Variants in UBE3D observed in about 807,000 individuals in gnomAD.
UBE3D encodes the protein E3 ubiquitin-protein ligase E3D.
UBE3D carries 48 observed loss-of-function variants against 49.6 expected under a neutral mutation model. The ratio of observed to expected loss-of-function variants is 0.97; its 90% CI spans 0.77 to 1.23. The LOEUF is 1.23. Among genes scored for constraint, UBE3D ranks in the 50% most tolerant of loss-of-function variants. The pLI is 0.00. For missense variants in UBE3D, 452 were observed against 468.4 expected (o/e 0.96, Z 0.32); for synonymous variants, 189 against 174.2 (o/e 1.08, Z -0.67).
chr6:83,005,843 A>C (rs1779940987), intron 8 of UBE3D, among the ~76,000 whole-genome samples: 3 of 152,182 alleles, frequency 2.0e-5, no homozygotes, highest in South Asian at 4.1e-4. Context: ...CTACTATGTG[A>C]ATAAAACTTG....
intron 4 of UBE3D, among the ~76,000 whole-genome samples, chr6:83,040,538 C>T (rs1160129882): frequency 6.6e-6 from 1 of 152,178 alleles, no homozygotes; most frequent in Non-Finnish European, 1.5e-5. Context: ...TAAATGCCTA[C>T]AGCTCTTCTA....
At chr6:82,899,826 A>C (rs1212015381) in intron 9 of UBE3D, among the ~76,000 whole-genome samples, 2 of 152,208 alleles carry the variant, frequency 1.3e-5, no homozygotes, top group African/African-American at 4.8e-5. Flanking sequence ...TGATGCTCCC[A>C]GTCATATAAA....
At chr6:82,932,646 A>G (rs1293214682) in intron 9 of UBE3D, 1 of 152,214 alleles carries the variant, frequency 6.6e-6, no homozygotes, top group African/African-American at 2.4e-5. Context: ...AAGTGTGAGG[A>G]ACTGAACACT....
At position 83,054,322 on chromosome 6, in the gene UBE3D, A is replaced by C. The variant is rs914589473; in HGVS notation, c.275-84T>G. ...TTAAACAGTTCAATAGCCACGATAA[A>C]TTACCATCCATAAACAGTTTATGAT... On this transcript the variant is annotated intron_variant, in intron 2 of 9. Coordinates refer to ENST00000369747, the MANE Select transcript of UBE3D (RefSeq NM_198920.3). The C allele has an allele frequency of 4.0e-6, 4 of 994,590 alleles. No homozygotes were observed. In the African/African-American group the frequency reaches 6.4e-5, roughly 16 times the overall value. The allele number at this position is 994,590 out of a possible 1,614,324, so 61.6% of individuals were successfully genotyped here.
rs541975048 is a variant in UBE3D, at chr6:82,940,796, G to C, written c.1149+16516C>G. Reference sequence around the variant, plus strand: ...TGTCTTCATGCCAGGAGATGAAACAGAGGAAAGAGCAGAGTATTGTCAGTA... The same window carrying C: ...TGTCTTCATGCCAGGAGATGAAACACAGGAAAGAGCAGAGTATTGTCAGTA... On this transcript the variant is annotated intron_variant, in intron 9 of 9. Transcript: ENST00000369747. Among the ~76,000 whole-genome samples the C allele has an allele frequency of 4.6e-5, 7 of 152,286 alleles. No individual in the cohort carries two copies. In the South Asian group the frequency reaches 1.5e-3, roughly 32 times the overall value.
At chr6:82,974,848 C>T (rs904129492) in intron 8 of UBE3D, among the ~76,000 whole-genome samples, 2 of 151,794 alleles carry the variant, frequency 1.3e-5, no homozygotes, top group African/African-American at 4.8e-5. Context: ...CTGTCATCCT[C>T]TGAATCAATT....
rs1431815157 is a variant in UBE3D at position 82,984,977 on chromosome 6, T to TTTTTAAA, written c.1011-27534_1011-27528dup. Among the ~76,000 whole-genome samples, 3 of 150,880 alleles carry TTTTTAAA rather than the reference T, an allele frequency of 2.0e-5. No homozygotes were observed. The East Asian group carries it at 5.9e-4, about 30-fold the overall frequency. On this transcript the variant is annotated intron_variant, in intron 8 of 9. Coordinates refer to ENST00000369747, the MANE Select transcript of UBE3D (RefSeq NM_198920.3). ...AGCTGTGCACAACCACATCTGACTG[T>TTTTTAAA]TTTTAAATTTTTTTCTTTCTTCTTC...
chr6:82,892,933 A>T lies in UBE3D; in HGVS notation c.*89T>A, dbSNP rs1378592923. The T allele has an allele frequency of 6.1e-6, 9 of 1,466,516 alleles. No homozygotes were observed. The highest frequency in any genetic ancestry group is 2.8e-5 in the African/African-American group (2 of 71,870). The allele number at this position is 1,466,516 out of a possible 1,614,324, so 90.8% of individuals were successfully genotyped here. A position where few individuals can be genotyped will look rare whatever the true frequency, so the allele number is the denominator to read the frequency against. On this transcript the variant is annotated 3_prime_UTR_variant, in exon 10 of 10. Transcript: ENST00000369747. ...CCATAGCTCTGGTTCTTGTCTTTGT[A>T]ATTGATGCCTCCTGAGCTGACTGCT...
chr6:82,889,688 A>C (rs1036460753), downstream of UBE3D, among the ~76,000 whole-genome samples: 6 of 152,122 alleles, frequency 3.9e-5, no homozygotes, highest in Non-Finnish European at 8.8e-5. Context: ...GAAATTATAT[A>C]TAGTAATTTT....
At chr6:82,902,988 TA>T (rs1418055995) in intron 9 of UBE3D, among the ~76,000 whole-genome samples, 6 of 152,186 alleles carry the variant, frequency 3.9e-5, no homozygotes, top group Non-Finnish European at 7.3e-5. Flanking sequence ...GTAACAAGAC[TA>T]GGGGTGTGAG....
chr6:82,957,421 CTGA>C lies in UBE3D; in HGVS notation c.1037_1039del (p.Ile346del). 1 of 1,614,038 alleles carries C rather than the reference CTGA, an allele frequency of 6.2e-7. No individual in the cohort carries two copies. Among genetic ancestry groups the C allele is most frequent in the South Asian group, 1.1e-5 (1 of 91,062 alleles). On this transcript the variant is annotated inframe_deletion, in exon 9 of 10. Transcript: ENST00000369747. ...AGAGGGCAGGGTTAGCGGGTGGACGCTGATGTCACTTTCCCACAAGCTGACAAG... is the reference window on the plus strand; with the variant it reads ...AGAGGGCAGGGTTAGCGGGTGGACGCTGTCACTTTCCCACAAGCTGACAAG...
At chr6:82,895,839 G>T (rs1771277257) in intron 9 of UBE3D, among the ~76,000 whole-genome samples, 1 of 152,174 alleles carries the variant, frequency 6.6e-6, no homozygotes, top group Non-Finnish European at 1.5e-5. Context: ...GAGGCTTAGA[G>T]ACTTCCAATC....
intron 9 of UBE3D, among the ~76,000 whole-genome samples, chr6:82,893,398 G>A (rs887056815): frequency 1.3e-5 from 2 of 151,996 alleles, no homozygotes; most frequent in African/African-American, 2.4e-5. Context: ...ATTCCTAGGC[G>A]ATTCTGGGTC....
rs534780253 is a variant in UBE3D, at chr6:82,951,495, G to A, written c.1149+5817C>T. ...TATGAAACACTCCTTCCTTATCCTA[G>A]TTGAGTATATTTTCCAAGGAAGACT... On this transcript the variant is annotated intron_variant, in intron 9 of 9. Transcript: ENST00000369747. 2.2e-4 allele frequency among the ~76,000 whole-genome samples: 34 copies of A among 152,272 alleles called. 2 individuals are homozygous for A. The South Asian group carries it at 6.8e-3, about 31-fold the overall frequency.
chr6:82,923,922 G>C (rs1440776026), intron 9 of UBE3D, among the ~76,000 whole-genome samples: 3 of 152,088 alleles, frequency 2.0e-5, no homozygotes, highest in Non-Finnish European at 4.4e-5. Context: ...AAAACTGTGT[G>C]TTGGAAAAGC....
rs572701419 is a variant in UBE3D, at chr6:83,009,735, G to T, written c.1010+9238C>A. On this transcript the variant is annotated intron_variant, in intron 8 of 9. Transcript: ENST00000369747. Reference sequence around the variant, plus strand: ...CAAGGATAAAAAGAAAATCCTAAAGGTTTTTGGAGAGACAGAATAGGTATA... The same window carrying T: ...CAAGGATAAAAAGAAAATCCTAAAGTTTTTTGGAGAGACAGAATAGGTATA... Among the ~76,000 whole-genome samples, 98 of 141,286 alleles carry T rather than the reference G, an allele frequency of 6.9e-4. 1 individual carries two copies. The highest frequency in any genetic ancestry group is 2.6e-3 in the African/African-American group (98 of 38,364). The allele number at this position is 141,286 out of a possible 152,430, so 92.7% of individuals were successfully genotyped here.
chr6:83,058,564 G>T (rs1362455511), intron 1 of UBE3D, among the ~76,000 whole-genome samples: 2 of 152,188 alleles, frequency 1.3e-5, no homozygotes, highest in African/African-American at 2.4e-5. Context: ...GTATAGAGGG[G>T]ATAAAGGCAT....
intron 9 of UBE3D, among the ~76,000 whole-genome samples, chr6:82,936,626 C>T (rs577848695): frequency 6.6e-6 from 1 of 152,204 alleles, no homozygotes; most frequent in Non-Finnish European, 1.5e-5. Context: ...ACCAGACAAC[C>T]TTTGTATGCT....
At chr6:82,900,322 A>G (rs576821820) in intron 9 of UBE3D, among the ~76,000 whole-genome samples, 26 of 152,322 alleles carry the variant, frequency 1.7e-4, no homozygotes, top group African/African-American at 5.5e-4. Flanking sequence ...TCATATTTAA[A>G]GGAAACTATG....
Sources: allele counts gnomAD v4.1 joint callset (sites outside exome capture counted in the v4.1 genomes callset), GRCh38; gene constraint gnomAD v4.1.1; transcripts MANE v1.5; gene names NCBI Gene and HGNC (gene_info 2026-07-23, HGNC 2026-07-21).